MYLIP: variants seen among roughly 807,000 people sequenced by gnomAD.
The protein encoded by MYLIP is myosin regulatory light chain interacting protein, also known as E3 ubiquitin-protein ligase MYLIP.
Under a neutral mutation model 45.8 loss-of-function variants are expected in MYLIP, and 26 were observed. That is an observed-to-expected ratio of 0.57 (90% confidence interval 0.42 to 0.79). The LOEUF is 0.79. Among genes scored for constraint, MYLIP ranks in the 30% least tolerant of loss-of-function variants. MYLIP has a pLI of 0.00. For synonymous variants in MYLIP, 213 were observed against 218.1 expected, an observed-to-expected ratio of 0.98 and a Z score of 0.21; for missense variants, 494 against 555.6, an observed-to-expected ratio of 0.89 and a Z score of 1.11.
chr6:16,141,025 CAA>C (rs999791376), intron 2 of MYLIP, among the ~76,000 whole-genome samples: 2 of 152,120 alleles, frequency 1.3e-5, no homozygotes, highest in African/African-American at 4.8e-5. Context: ...TGAAATAGGA[CAA>C]AGAGTCCAAA....
intron 6 of MYLIP, 56 bp from the exon 7 acceptor site, chr6:16,146,606 C>G: frequency 2.8e-6 from 4 of 1,414,342 alleles, no homozygotes; most frequent in Non-Finnish European, 3.9e-6. Context: ...CACAGAGACA[C>G]AGGCCCCCCA....
In MYLIP at chr6:16,141,767, G is replaced by A. The variant is rs1035145588; in HGVS notation, c.421G>A (p.Glu141Lys). The A allele has an allele frequency of 4.3e-6, 7 of 1,613,798 alleles. No homozygotes were observed. The African/African-American group carries it at 9.3e-5, about 22-fold the overall frequency. ...CCAGAACACTGCCAAGTATAACTAT[G>A]AGGAGCTCTGTGCCAAGGAGCTCTC... is the stretch of plus-strand genomic sequence containing the variant. ...YNQNTAKYNY[E>K]ELCAKELSSA... is the part of the protein sequence containing the mutation. The change falls in exon 3 of 7, where the codon GAG (glutamate) becomes AAG (lysine). Residue 141 changes from glutamate (E) to lysine (K), a missense_variant. Coordinates refer to ENST00000356840, the MANE Select transcript of MYLIP (RefSeq NM_013262.4).
the MYLIP span, among the ~76,000 whole-genome samples, chr6:16,158,576 C>T: frequency 6.6e-6 from 1 of 152,190 alleles, no homozygotes; most frequent in Non-Finnish European, 1.5e-5. Context: ...GCATCATCTC[C>T]ATCAGGATTC....
At position 16,129,752 on chromosome 6, in the gene MYLIP, C is replaced by G. The variant is rs1253264098; in HGVS notation, c.87+343C>G. Among the ~76,000 whole-genome samples the G allele has an allele frequency of 1.3e-5, 2 of 152,208 alleles. No homozygotes were observed. The highest frequency in any genetic ancestry group is 2.4e-5 in the African/African-American group (1 of 41,460). ...CCTGCCGCAGGTATGTGCGTGATGC[C>G]GCCTGTCGGGTCCCCGCGGCGCCTG... On this transcript the variant is annotated intron_variant, in intron 1 of 6. Coordinates refer to ENST00000356840, the MANE Select transcript of MYLIP (RefSeq NM_013262.4). The surrounding 1 kb of genome is among the most constrained non-coding windows in gnomAD (Gnocchi z 5.1).
At chr6:16,135,405 C>T (rs1428911012) in intron 2 of MYLIP, among the ~76,000 whole-genome samples, 2 of 152,160 alleles carry the variant, frequency 1.3e-5, no homozygotes, top group Admixed American at 6.6e-5. Flanking sequence ...ATTTTCCCAG[C>T]TGCTGCCCTC....
At chr6:16,141,010 T>A (rs187882832) in intron 2 of MYLIP, among the ~76,000 whole-genome samples, 1 of 152,260 alleles carries the variant, frequency 6.6e-6, no homozygotes, top group East Asian at 1.9e-4. Flanking sequence ...GAGAAGAAAG[T>A]CAAGTGAAAT....
At position 16,145,163 on chromosome 6, in the gene MYLIP, G is replaced by T. The variant is rs191241452; in HGVS notation, c.1094G>T (p.Gly365Val). The change falls in exon 6 of 7, where the codon GGC (glycine) becomes GTC (valine). Residue 365 changes from glycine (G) to valine (V), a missense_variant. Transcript: ENST00000356840. Reference sequence around the variant, plus strand: ...AGCATGAACTGCAGCAGCTGCGAGGGCCTCAGCTGCCAGCAGACCCGGGTG... The same window carrying T: ...AGCATGAACTGCAGCAGCTGCGAGGTCCTCAGCTGCCAGCAGACCCGGGTG... Reference protein sequence around the residue: ...ESSMNCSSCEGLSCQQTRVLQ... With the variant: ...ESSMNCSSCEVLSCQQTRVLQ... The T allele has an allele frequency of 1.3e-5, 21 of 1,614,200 alleles. No homozygotes were observed. The highest frequency in any genetic ancestry group is 1.8e-5 in the Non-Finnish European group (21 of 1,180,038).
At chr6:16,131,744 T>C (rs1232108724) in intron 2 of MYLIP, among the ~76,000 whole-genome samples, 6 of 152,136 alleles carry the variant, frequency 3.9e-5, no homozygotes, top group Non-Finnish European at 7.4e-5. Flanking sequence ...TACATGACAT[T>C]TGCTTGTTTG....
At chr6:16,138,448 CT>C (rs1311508311) in intron 2 of MYLIP, among the ~76,000 whole-genome samples, 1 of 152,124 alleles carries the variant, frequency 6.6e-6, no homozygotes, top group African/African-American at 2.4e-5. Context: ...CACTGAAGTT[CT>C]TGTTGGAAAC....
chr6:16,143,807 C>T lies in MYLIP; in HGVS notation c.771C>T (p.Ser257=). The part of the protein sequence containing the change: ...NSIVLLFKMI[S]TRAASGLYRA... ...TCGTGCTCTTGTTTAAAATGATCAG[C>T]ACCAGGGCGGCCAGCGGGCTCTACC... The change falls in exon 5 of 7, where the codon AGC becomes AGT. Residue 257 remains serine (S), a synonymous_variant. Transcript: ENST00000356840. 1.2e-6 allele frequency: 2 copies of T among 1,613,690 alleles called. No homozygotes were observed. The highest frequency in any genetic ancestry group is 1.7e-6 in the Non-Finnish European group (2 of 1,179,990).
rs1180504914 is a variant in MYLIP, at chr6:16,147,929, C to G, written c.*1178C>G. On this transcript the variant is annotated 3_prime_UTR_variant, in exon 7 of 7. Transcript: ENST00000356840. ...GCAGGTTTTCTGGGATGTCGGGAGA[C>G]CTAGATGACCTTATCGGGTGCAATA... is the stretch of plus-strand genomic sequence containing the variant. 1 of 152,584 alleles carries G rather than the reference C, an allele frequency of 6.6e-6. No individual in the cohort carries two copies. The highest frequency in any genetic ancestry group is 1.5e-5 in the Non-Finnish European group (1 of 68,042). 9.5% of individuals were successfully genotyped at this position (152,584 alleles called of 1,614,324 possible). A position where few individuals can be genotyped will look rare whatever the true frequency, so the allele number is the denominator to read the frequency against.
At position 16,145,304 on chromosome 6, in the gene MYLIP, C is replaced by T; in HGVS notation, c.1235C>T (p.Ala412Val). 1 of 1,589,640 alleles carries T rather than the reference C, an allele frequency of 6.3e-7. No individual in the cohort carries two copies. Among genetic ancestry groups the T allele is most frequent in the East Asian group, 2.3e-5 (1 of 44,390 alleles). The change falls in exon 6 of 7, where the codon GCC (alanine) becomes GTC (valine). Residue 412 changes from alanine to valine, a missense_variant. Physicochemically the swap from Ala to Val is moderately conservative, Grantham distance 64. Transcript: ENST00000356840. The part of the protein sequence containing the change: ...CGHTVCCESC[A>V]AQLQSCPVCR... ...CACACTGTGTGCTGTGAGAGCTGCG[C>T]CGCCCAGCTACAGGTAGGGGAGTCA...
Position 16,143,571 on chromosome 6 carries a change from T to C in MYLIP, c.663-128T>C, listed in dbSNP as rs368514713. The C allele has an allele frequency of 1.7e-5, 16 of 938,924 alleles. No individual in the cohort carries two copies. In the African/African-American group the frequency reaches 2.3e-4, roughly 14 times the overall value. The allele number at this position is 938,924 out of a possible 1,614,324, so 58.2% of individuals were successfully genotyped here. ...ACAATAAGGCAGCATTATGGTGATG[T>C]GATAACCCCAGAGGAAGCGTCTGAT... On this transcript the variant is annotated intron_variant, in intron 4 of 6. Coordinates refer to ENST00000356840, the MANE Select transcript of MYLIP (RefSeq NM_013262.4).
chr6:16,152,161 G>C (rs1759886647), downstream of MYLIP, among the ~76,000 whole-genome samples: 1 of 152,212 alleles, frequency 6.6e-6, no homozygotes, highest in Non-Finnish European at 1.5e-5. Context: ...AGAGAGGACA[G>C]AAGTAGAGCC....
At chr6:16,159,180 G>A in the MYLIP span, among the ~76,000 whole-genome samples, 1 of 152,212 alleles carries the variant, frequency 6.6e-6, no homozygotes, top group African/African-American at 2.4e-5. Context: ...ATGCCTCAAG[G>A]ATCTAGATAT....
At chr6:16,150,780 CT>C (rs1402836037), downstream of MYLIP, among the ~76,000 whole-genome samples, 2 of 152,260 alleles carry the variant, frequency 1.3e-5, no homozygotes, top group Non-Finnish European at 2.9e-5. Flanking sequence ...ATTCTTTGGT[CT>C]TTTTATTAAG....
At chr6:16,150,613 T>TAAGA (rs967667661), downstream of MYLIP, among the ~76,000 whole-genome samples, 4 of 152,014 alleles carry the variant, frequency 2.6e-5, no homozygotes, top group Non-Finnish European at 4.4e-5. Flanking sequence ...GAGGATTGCT[T>TAAGA]AAGACCAGGA....
Position 16,141,634 on chromosome 6 carries a change from T to G in MYLIP, c.288T>G (p.Phe96Leu), listed in dbSNP as rs749633743. The G allele has an allele frequency of 6.2e-7, 1 of 1,612,588 alleles. No individual in the cohort carries two copies. The highest frequency in any genetic ancestry group is 8.5e-7 in the Non-Finnish European group (1 of 1,178,846). Reference sequence around the variant, plus strand: ...TCACCTTGCTTTGCAGGCATATCTTTTTCTTGCACATCAAGGAGGCCCTCT... The same window carrying G: ...TCACCTTGCTTTGCAGGCATATCTTGTTCTTGCACATCAAGGAGGCCCTCT... ...LILQEQTRHI[F>L]FLHIKEALLA... The change falls in exon 3 of 7, where the codon TTT (phenylalanine) becomes TTG (leucine). Residue 96 changes from phenylalanine to leucine, a missense_variant. Transcript: ENST00000356840.
intron 6 of MYLIP, 144 bp downstream of exon 6, chr6:16,145,461 T>C: frequency 1.2e-6 from 1 of 851,002 alleles, no homozygotes; most frequent in Non-Finnish European, 1.8e-6. Flanking sequence ...TTTGGTGACC[T>C]AAAAGGCATT....
Sources: gnomAD v4.1 joint callset for allele counts (sites outside exome capture counted in the v4.1 genomes callset) on GRCh38, gnomAD v4.1.1 for gene constraint, Gnocchi (gnomAD v3.1) non-coding constraint, MANE v1.5 for transcripts, NCBI Gene and HGNC (gene_info 2026-07-23, HGNC 2026-07-21) for gene names.